Variants in NFE2L3 observed in about 807,000 individuals in gnomAD.
NFE2L3 encodes NFE2 like bZIP transcription factor 3.
Under a neutral mutation model 23.5 loss-of-function variants are expected in NFE2L3, and 18 were observed. The ratio of observed to expected loss-of-function variants is 0.77; its 90% confidence interval spans 0.53 to 1.13. The LOEUF is 1.13. NFE2L3 is among the 50% of genes most tolerant of loss of function. The pLI is 0.00. For missense variants in NFE2L3, 1,152 were observed against 877.2 expected, an observed-to-expected ratio of 1.31 and a Z score of -3.96; for synonymous variants, 424 against 354.5, an observed-to-expected ratio of 1.20 and a Z score of -2.20.
chr7:26,157,467 G>GGAAAGA (rs1380828548), intron 1 of NFE2L3, among the ~76,000 whole-genome samples: 6 of 151,948 alleles, frequency 3.9e-5, no homozygotes, highest in Non-Finnish European at 5.9e-5. Context: ...TAAGAGTAAA[G>GGAAAGA]GAAAGAGAAA....
At chr7:26,184,339 T>A (rs1782425297) in intron 3 of NFE2L3, 194 bp from the exon 4 acceptor site, 1 of 543,544 alleles carries the variant, frequency 1.8e-6, no homozygotes, top group African/African-American at 1.9e-5. Flanking sequence ...TTACTCAGAA[T>A]TCCAGGTATT....
chr7:26,185,830 A>G lies in NFE2L3; in HGVS notation c.*47A>G, dbSNP rs1782471424. The G allele has an allele frequency of 2.1e-6, 3 of 1,440,918 alleles. No homozygotes were observed. The highest frequency in any genetic ancestry group is 2.8e-6 in the Non-Finnish European group (3 of 1,069,886). 89.3% of individuals were successfully genotyped at this position (1,440,918 alleles called of 1,614,324 possible). A position where few individuals can be genotyped will look rare whatever the true frequency, so the allele number is the denominator to read the frequency against. ...TATTATGTGAAGTAGTAATGTTCAG[A>G]AACTGATTATTTGGATCAGAAACCA... On this transcript the variant is annotated 3_prime_UTR_variant, in exon 4 of 4. Coordinates refer to ENST00000056233, the MANE Select transcript of NFE2L3 (RefSeq NM_004289.7).
At chr7:26,175,733 C>G (rs1392651654) in intron 1 of NFE2L3, among the ~76,000 whole-genome samples, 4 of 148,118 alleles carry the variant, frequency 2.7e-5, no homozygotes, top group African/African-American at 7.5e-5. Context: ...GAGCCAAGAT[C>G]GTGCCACTGC....
chr7:26,156,294 C>T (rs1255259433), intron 1 of NFE2L3, among the ~76,000 whole-genome samples: 1 of 152,194 alleles, frequency 6.6e-6, no homozygotes, highest in East Asian at 1.9e-4. Flanking sequence ...CTACTGTTAA[C>T]TTCAAAGAGA....
At chr7:26,179,976 TGGTCCTTTA>T (rs1246448817) in intron 2 of NFE2L3, among the ~76,000 whole-genome samples, 1 of 152,196 alleles carries the variant, frequency 6.6e-6, no homozygotes, top group East Asian at 1.9e-4. Flanking sequence ...CCACTGCAGC[TGGTCCTTTA>T]GGACTCTTCC....
At chr7:26,153,960 A>T (rs1310067702) in intron 1 of NFE2L3, among the ~76,000 whole-genome samples, 1 of 152,260 alleles carries the variant, frequency 6.6e-6, no homozygotes, top group African/African-American at 2.4e-5. Context: ...GGTAACGATC[A>T]ACCAGTGGTG....
chr7:26,181,352 T>C (rs1271339777), intron 2 of NFE2L3, among the ~76,000 whole-genome samples: 1 of 152,172 alleles, frequency 6.6e-6, no homozygotes, highest in Non-Finnish European at 1.5e-5. Context: ...CTTTTAAAGC[T>C]TGTTGAAATA....
At chr7:26,181,846 A>G (rs1421407953) in intron 2 of NFE2L3, among the ~76,000 whole-genome samples, 2 of 152,200 alleles carry the variant, frequency 1.3e-5, no homozygotes, top group African/African-American at 4.8e-5. Context: ...ATTTTCATTG[A>G]AAATTCAGTG....
rs924538540 is a variant in NFE2L3 at position 26,187,104 on chromosome 7, TA to T, written c.*1324del. ...TATATATACCGTTGGATTTTTATAATAAAGTTTCCCAAGACCTGTTATTTTG... is the reference window on the plus strand; with the variant it reads ...TATATATACCGTTGGATTTTTATAATAAGTTTCCCAAGACCTGTTATTTTG... On this transcript the variant is annotated 3_prime_UTR_variant, in exon 4 of 4. Coordinates refer to ENST00000056233, the MANE Select transcript of NFE2L3 (RefSeq NM_004289.7). 6.6e-6 allele frequency: 1 copy of T among 152,212 alleles called. No homozygotes were observed. The highest frequency in any genetic ancestry group is 1.5e-5 in the Non-Finnish European group (1 of 68,052). 9.4% of individuals were successfully genotyped at this position (152,212 alleles called of 1,614,324 possible).
chr7:26,154,391 G>A (rs1784050415), intron 1 of NFE2L3, among the ~76,000 whole-genome samples: 1 of 152,148 alleles, frequency 6.6e-6, no homozygotes, highest in South Asian at 2.1e-4. Context: ...CCTAGTGCTG[G>A]ATGCTGTACC....
intron 2 of NFE2L3, among the ~76,000 whole-genome samples, chr7:26,182,014 A>C (rs1446292115): frequency 6.6e-6 from 1 of 151,978 alleles, no homozygotes; most frequent in African/African-American, 2.4e-5. Flanking sequence ...CCCAGAAGAA[A>C]CTATAAAATA....
rs192544022 is a variant in NFE2L3 at position 26,169,300 on chromosome 7, T to C, written c.571-8643T>C. On this transcript the variant is annotated intron_variant, in intron 1 of 3. Transcript: ENST00000056233. The stretch of plus-strand genomic sequence containing the variant: ...GGTTTATTAGGGGGAGCCATTGGGA[T>C]CAATAACTGGAGACAGGCAGGATTA... Among the ~76,000 whole-genome samples, 9 of 152,280 alleles carry C rather than the reference T, an allele frequency of 5.9e-5. No homozygotes were observed. The East Asian group carries it at 1.7e-3, about 29-fold the overall frequency.
intron 1 of NFE2L3, among the ~76,000 whole-genome samples, chr7:26,159,352 C>A (rs1784136001): frequency 6.6e-6 from 1 of 152,232 alleles, no homozygotes; most frequent in Non-Finnish European, 1.5e-5. Context: ...TCAACCATCA[C>A]CTCATCCATA....
rs1194854712 is a variant in NFE2L3, at chr7:26,186,286, A to G, written c.*503A>G. 2.6e-5 allele frequency: 4 copies of G among 152,248 alleles called. No individual in the cohort carries two copies. The highest frequency in any genetic ancestry group is 3.8e-4 in the East Asian group (2 of 5,204). The allele number at this position is 152,248 out of a possible 1,614,324, so 9.4% of individuals were successfully genotyped here. On this transcript the variant is annotated 3_prime_UTR_variant, in exon 4 of 4. Transcript: ENST00000056233. ...CTATGGAAATAAATTTTGTATTTGT[A>G]TTAAAAATTAACTTTTCCCTTTTAT...
intron 1 of NFE2L3, among the ~76,000 whole-genome samples, chr7:26,171,183 A>G (rs10238831): frequency 0.09 from 13,709 of 152,298 alleles, 1,046 homozygotes; most frequent in African/African-American, 0.21. Flanking sequence ...ACACGTGTGC[A>G]AAGAAGTATG....
At chr7:26,167,363 A>T (rs1290760961) in intron 1 of NFE2L3, among the ~76,000 whole-genome samples, 1 of 152,166 alleles carries the variant, frequency 6.6e-6, no homozygotes, top group East Asian at 1.9e-4. Flanking sequence ...AACATTCTGG[A>T]TCCTCACAGA....
rs775103845 is a variant in NFE2L3 at position 26,185,584 on chromosome 7, A to C, written c.1886A>C (p.Lys629Thr). Residue 629 changes from lysine to threonine, a missense_variant, in exon 4 of 4, where the codon AAA becomes ACA. Lys to Thr is a moderately conservative substitution (Grantham distance 78). Coordinates refer to ENST00000056233, the MANE Select transcript of NFE2L3 (RefSeq NM_004289.7). ...TLKREQAQCN[K>T]AINIMKQKLH... is the part of the protein sequence containing the mutation. ...AAGAGAGAGCAAGCACAATGTAACA[A>C]AGCTATTAACATAATGAAACAGAAA... 7 of 1,613,726 alleles carry C rather than the reference A, an allele frequency of 4.3e-6. No homozygotes were observed. In the South Asian group the frequency reaches 7.7e-5, roughly 18 times the overall value.
Position 26,185,226 on chromosome 7 carries a change from ACTTCTGAAC to A in NFE2L3, c.1532_1540del (p.Ser511_Pro513del), listed in dbSNP as rs201418114. 1.8e-4 allele frequency: 290 copies of A among 1,613,976 alleles called. 3 individuals are homozygous for A. In the East Asian group the frequency reaches 5.1e-3, roughly 28 times the overall value. On this transcript the variant is annotated inframe_deletion, in exon 4 of 4. Transcript: ENST00000056233. ...CTTACAGCCAACTGCACCAGAATCT[ACTTCTGAAC>A]CTTTTCCGTGGCCTGGGAAGTCACA...
rs189800942 is a variant in NFE2L3 at position 26,180,690 on chromosome 7, A to T, written c.750+2568A>T. ...ACTCCCTCACTGGGCTTCCCAGAAAAGCAAGAACTGTAACAAACTAATTCA... is the reference window on the plus strand; with the variant it reads ...ACTCCCTCACTGGGCTTCCCAGAAATGCAAGAACTGTAACAAACTAATTCA... On this transcript the variant is annotated intron_variant, in intron 2 of 3. Coordinates refer to ENST00000056233, the MANE Select transcript of NFE2L3 (RefSeq NM_004289.7). Among the ~76,000 whole-genome samples, 15 of 152,120 alleles carry T rather than the reference A, an allele frequency of 9.9e-5. 1 individual carries two copies. The East Asian group carries it at 1.9e-3, about 20-fold the overall frequency.
Sources: gnomAD v4.1 joint callset for allele counts (sites outside exome capture counted in the v4.1 genomes callset) on GRCh38, gnomAD v4.1.1 for gene constraint, MANE v1.5 for transcripts, NCBI Gene and HGNC (gene_info 2026-07-23, HGNC 2026-07-21) for gene names.